The following SPAG16 variants were observed in gnomAD, a reference collection of about 807,000 sequenced individuals.
The protein encoded by SPAG16 is sperm-associated antigen 16 protein.
Under a neutral mutation model 80.4 loss-of-function variants are expected in SPAG16, and 86 were observed. That is an observed-to-expected ratio of 1.07 (90% confidence interval 0.90 to 1.28). SPAG16 has a LOEUF of 1.28. SPAG16 is among the 50% of genes most tolerant of loss of function. The pLI is 0.00. For missense variants in SPAG16, 870 were observed against 765.3 expected (o/e 1.14, Z -1.61); for synonymous variants, 294 against 265.9 (o/e 1.11, Z -1.03).
At chr2:214,063,638 A>T (rs1336639429) in intron 13 of SPAG16, among the ~76,000 whole-genome samples, 6 of 152,110 alleles carry the variant, frequency 3.9e-5, no homozygotes, top group Admixed American at 3.9e-4. Flanking sequence ...TCAACATATG[A>T]ATTTTGGGGA....
intron 1 of SPAG16, among the ~76,000 whole-genome samples, chr2:213,285,571 G>T (rs962924432): frequency 2.0e-5 from 3 of 152,320 alleles, no homozygotes; most frequent in East Asian, 3.9e-4. Flanking sequence ...CAAGATTTCA[G>T]AAATCCAGCA....
intron 10 of SPAG16, among the ~76,000 whole-genome samples, chr2:213,587,861 T>C (rs974846223): frequency 6.6e-6 from 1 of 152,202 alleles, no homozygotes; most frequent in African/African-American, 2.4e-5. Flanking sequence ...TATAACACTT[T>C]TAGGAGGACA....
intron 15 of SPAG16, among the ~76,000 whole-genome samples, chr2:214,203,758 G>C (rs1359436630): frequency 1.3e-5 from 2 of 152,192 alleles, no homozygotes; most frequent in Non-Finnish European, 2.9e-5. Flanking sequence ...AAAGACCACA[G>C]GAAGAAGGAA....
At chr2:213,494,494 T>C (rs113638522) in intron 10 of SPAG16, among the ~76,000 whole-genome samples, 2,331 of 152,302 alleles carry the variant, frequency 0.015, 27 homozygotes, top group South Asian at 0.036. Context: ...CCATTAAATC[T>C]ACCAGAAAGT....
At position 213,734,521 on chromosome 2, in the gene SPAG16, A is replaced by C. The variant is rs111278094; in HGVS notation, c.1071-127964A>C. Among the ~76,000 whole-genome samples, 13 of 152,358 alleles carry C rather than the reference A, an allele frequency of 8.5e-5. 1 individual carries two copies. Among genetic ancestry groups the C allele is most frequent in the African/African-American group, 2.4e-4 (10 of 41,590 alleles). On this transcript the variant is annotated intron_variant, in intron 10 of 15. Transcript: ENST00000331683. ...TATGGACATGCTCTTTGAAAAAATA[A>C]CAGAAATCATATGCTTGCAGTAGAT...
intron 9 of SPAG16, among the ~76,000 whole-genome samples, chr2:213,435,441 A>T (rs2070566507): frequency 6.6e-6 from 1 of 152,180 alleles, no homozygotes; most frequent in Non-Finnish European, 1.5e-5. Context: ...TACAATGTAC[A>T]TTATTCAATT....
chr2:213,593,556 T>C (rs1192178656), intron 10 of SPAG16, among the ~76,000 whole-genome samples: 1 of 151,974 alleles, frequency 6.6e-6, no homozygotes, highest in Non-Finnish European at 1.5e-5. Context: ...TATTTATATT[T>C]GTATGTTTCC....
chr2:214,049,083 G>A (rs1484598701), intron 13 of SPAG16, among the ~76,000 whole-genome samples: 1 of 152,074 alleles, frequency 6.6e-6, no homozygotes, highest in African/African-American at 2.4e-5. Flanking sequence ...CTACAGGCAT[G>A]CACCATCATG....
Position 213,340,150 on chromosome 2 carries a change from A to ATT in SPAG16, c.537-5_537-4dup. On this transcript the variant is annotated splice_polypyrimidine_tract_variant and intron_variant, in intron 5 of 15. Transcript: ENST00000331683. ...ATTAGCAGTGATTTATAAAGTTACT[A>ATT]TTTTTTTTTCAGCAAAGCTAGAGAA... The ATT allele has an allele frequency of 6.6e-7, 1 of 1,509,340 alleles. No homozygotes were observed. The highest frequency in any genetic ancestry group is 9.1e-7 in the Non-Finnish European group (1 of 1,101,666). 93.5% of individuals were successfully genotyped at this position (1,509,340 alleles called of 1,614,324 possible). A position where few individuals can be genotyped will look rare whatever the true frequency, so the allele number is the denominator to read the frequency against.
At chr2:213,535,648 T>C (rs1175385408) in intron 10 of SPAG16, among the ~76,000 whole-genome samples, 3 of 152,174 alleles carry the variant, frequency 2.0e-5, no homozygotes, top group Non-Finnish European at 2.9e-5. Flanking sequence ...TTGTTACCCA[T>C]CACTTTCTCA....
chr2:213,735,569 G>A, intron 10 of SPAG16, among the ~76,000 whole-genome samples: 1 of 152,246 alleles, frequency 6.6e-6, no homozygotes, highest in East Asian at 1.9e-4. Context: ...CATTAGTCAA[G>A]ACAAGATAAG....
chr2:214,341,020 G>C (rs1697647827), intron 15 of SPAG16, among the ~76,000 whole-genome samples: 1 of 152,162 alleles, frequency 6.6e-6, no homozygotes. Context: ...GGAAAACAGA[G>C]AGATCTTTTA....
intron 10 of SPAG16, among the ~76,000 whole-genome samples, chr2:213,836,814 A>G (rs997487714): frequency 2.6e-5 from 4 of 152,002 alleles, no homozygotes; most frequent in East Asian, 1.9e-4. Context: ...GGGTTTTGCC[A>G]TGTTGGCCAG....
chr2:213,309,896 T>C (rs910848181), intron 3 of SPAG16, among the ~76,000 whole-genome samples, 163 bp from the exon 4 acceptor site: 3 of 152,014 alleles, frequency 2.0e-5, no homozygotes, highest in Admixed American at 6.6e-5. Context: ...TTTCATCTGC[T>C]TTATCCCCAG....
intron 9 of SPAG16, among the ~76,000 whole-genome samples, chr2:213,420,496 C>T (rs2069519358): frequency 6.6e-6 from 1 of 152,210 alleles, no homozygotes; most frequent in Non-Finnish European, 1.5e-5. Context: ...CACATATACA[C>T]ACTTTCACTC....
intron 15 of SPAG16, among the ~76,000 whole-genome samples, chr2:214,335,185 G>A (rs1235861962): frequency 6.6e-6 from 1 of 152,128 alleles, no homozygotes; most frequent in Non-Finnish European, 1.5e-5. Context: ...ATATGAACCA[G>A]TCAGTGGATG....
At position 214,007,283 on chromosome 2, in the gene SPAG16, T is replaced by A. The variant is rs115996985; in HGVS notation, c.1401-6668T>A. ...AAGTTAGAGCATAATTCTTTACAGA[T>A]TGAAATGCCTCAGTTAAAACAAAAC... On this transcript the variant is annotated intron_variant, in intron 12 of 15. Transcript: ENST00000331683. 5.8e-3 allele frequency among the ~76,000 whole-genome samples: 890 copies of A among 152,216 alleles called. 4 individuals are homozygous for A. The highest frequency in any genetic ancestry group is 0.01 in the Non-Finnish European group (689 of 68,006).
intron 10 of SPAG16, among the ~76,000 whole-genome samples, chr2:213,862,253 A>T (rs6710549): frequency 0.34 from 51,986 of 151,864 alleles, 9,337 homozygotes; most frequent in South Asian, 0.47. Flanking sequence ...TTGTCTTGCA[A>T]ATGAGGAATC....
intron 10 of SPAG16, among the ~76,000 whole-genome samples, chr2:213,678,848 G>T (rs1270915063): frequency 4.6e-5 from 7 of 152,196 alleles, no homozygotes; most frequent in African/African-American, 1.7e-4. Context: ...ACAGAAATGG[G>T]TGAGGACACT....
Sources: allele counts gnomAD v4.1 joint callset (sites outside exome capture counted in the v4.1 genomes callset), GRCh38; gene constraint gnomAD v4.1.1; transcripts MANE v1.5; gene names NCBI Gene and HGNC (gene_info 2026-07-23, HGNC 2026-07-21).